Variants in NUBP1 observed in about 807,000 individuals in gnomAD.
NUBP1 encodes NUBP iron-sulfur cluster assembly factor 1, cytosolic.
A neutral mutation model predicts 41.8 loss-of-function variants in NUBP1; 46 were observed. That is an observed-to-expected ratio of 1.10 (90% CI 0.87 to 1.41). The LOEUF is 1.41. Among genes scored for constraint, NUBP1 ranks in the 40% most tolerant of loss-of-function variants. The pLI is 0.00. For missense variants in NUBP1, 494 were observed against 414.0 expected, an observed-to-expected ratio of 1.19 and a Z score of -1.68; for synonymous variants, 189 against 154.6, an observed-to-expected ratio of 1.22 and a Z score of -1.65.
At chr16:10,752,526 C>G (rs1312543737) in intron 3 of NUBP1, 84 bp from the exon 4 acceptor site, 2 of 1,122,280 alleles carry the variant, frequency 1.8e-6, no homozygotes, top group South Asian at 1.3e-5. Context: ...TCCTTTTCCT[C>G]TAACCCCGCT....
chr16:10,748,758 T>A (rs527350419), intron 3 of NUBP1, among the ~76,000 whole-genome samples: 1 of 152,254 alleles, frequency 6.6e-6, no homozygotes, highest in South Asian at 2.1e-4. Context: ...AGAGATGAGT[T>A]TGTAGCCTAC....
chr16:10,755,687 C>G, intron 4 of NUBP1, 34 bp from the exon 5 acceptor site: 4 of 1,610,674 alleles, frequency 2.5e-6, no homozygotes, highest in Non-Finnish European at 3.4e-6. Context: ...TACATGATTT[C>G]TACTAATGAA....
In NUBP1 at chr16:10,757,858, G is replaced by T. The variant is rs763063179; in HGVS notation, c.452-15G>T. On this transcript the variant is annotated splice_polypyrimidine_tract_variant and intron_variant, in intron 6 of 10. Transcript: ENST00000283027. This position sits in a 1 kb window ranked among gnomAD's most constrained non-coding sequence, Gnocchi z 4.1. ...AAAGGAAAAGTAAGCATCCCCTGTG[G>T]ATTCCTCTTTCTAGGCATGATCAAG... The T allele has an allele frequency of 1.2e-6, 2 of 1,608,566 alleles. No individual in the cohort carries two copies. Among genetic ancestry groups the T allele is most frequent in the South Asian group, 1.1e-5 (1 of 91,006 alleles).
chr16:10,744,431 G>C (rs995577887), intron 2 of NUBP1, among the ~76,000 whole-genome samples: 4 of 152,234 alleles, frequency 2.6e-5, no homozygotes, highest in African/African-American at 9.6e-5. Flanking sequence ...AAGTCGGGGA[G>C]TCTTCGGACT....
At chr16:10,745,094 T>A (rs952206041) in intron 2 of NUBP1, among the ~76,000 whole-genome samples, 1 of 151,364 alleles carries the variant, frequency 6.6e-6, no homozygotes, top group African/African-American at 2.4e-5. Flanking sequence ...GAGAGAGACT[T>A]GGATTTGATT....
chr16:10,760,981 A>G (rs893175341), intron 7 of NUBP1: 1 of 192,302 alleles, frequency 5.2e-6, no homozygotes, highest in Non-Finnish European at 1.1e-5. Context: ...AGGAAACTTA[A>G]CAATCATGGT....
In NUBP1 at chr16:10,757,157, C is replaced by G. The variant is rs902943801; in HGVS notation, c.451+377C>G. On this transcript the variant is annotated intron_variant, in intron 6 of 10. Transcript: ENST00000283027. The surrounding 1 kb of genome is among the most constrained non-coding windows in gnomAD (Gnocchi z 4.1). ...TCTACCAAAAACATAAAAAATTAGC[C>G]GAGCATGGTGGCACGTACCTGTAAT... is the stretch of plus-strand genomic sequence containing the variant. 6.6e-6 allele frequency among the ~76,000 whole-genome samples: 1 copy of G among 151,902 alleles called. No homozygotes were observed. The highest frequency in any genetic ancestry group is 1.5e-5 in the Non-Finnish European group (1 of 67,984).
chr16:10,756,851 C>G, intron 6 of NUBP1, 71 bp downstream of exon 6: 1 of 1,218,694 alleles, frequency 8.2e-7, no homozygotes. Context: ...TTTATCTGCT[C>G]CCTGTCCTGC....
intron 3 of NUBP1, among the ~76,000 whole-genome samples, chr16:10,747,733 T>G (rs935158811): frequency 6.6e-6 from 1 of 152,226 alleles, no homozygotes; most frequent in African/African-American, 2.4e-5. Context: ...AATGAAGCAT[T>G]TCACTGGATT....
In NUBP1 at chr16:10,749,729, C is replaced by A. The variant is rs1900230878; in HGVS notation, c.258+2453C>A. ...ACATGCCCTGACCTTTTTCTGCCTGCCATCTGGTGGAAGCTTGGCTCTAAC... is the reference window on the plus strand; with the variant it reads ...ACATGCCCTGACCTTTTTCTGCCTGACATCTGGTGGAAGCTTGGCTCTAAC... On this transcript the variant is annotated intron_variant, in intron 3 of 10. Coordinates refer to ENST00000283027, the MANE Select transcript of NUBP1 (RefSeq NM_002484.4). This position sits in a 1 kb window ranked among gnomAD's most constrained non-coding sequence, Gnocchi z 4.1. Among the ~76,000 whole-genome samples, 1 of 152,190 alleles carries A rather than the reference C, an allele frequency of 6.6e-6. No individual in the cohort carries two copies. Among genetic ancestry groups the A allele is most frequent in the Non-Finnish European group, 1.5e-5 (1 of 68,036 alleles).
Position 10,756,741 on chromosome 16 carries a change from C to G in NUBP1, c.412C>G (p.Pro138Ala), listed in dbSNP as rs1210412616. The G allele has an allele frequency of 1.3e-6, 2 of 1,588,602 alleles. No individual in the cohort carries two copies. The highest frequency in any genetic ancestry group is 2.4e-5 in the East Asian group (1 of 42,278). Reference protein sequence around the residue: ...VMSVGFLLSSPDDAVIWRGPK... With the variant: ...VMSVGFLLSSADDAVIWRGPK... The stretch of plus-strand genomic sequence containing the variant: ...GTCAGTGGGCTTCCTGCTCAGCAGT[C>G]CTGATGATGCTGTTATCTGGAGGGG... The change falls in exon 6 of 11, where the codon CCT becomes GCT. Residue 138 changes from proline (P) to alanine (A), a missense_variant. Coordinates refer to ENST00000283027, the MANE Select transcript of NUBP1 (RefSeq NM_002484.4).
At chr16:10,747,871 C>T (rs1357479595) in intron 3 of NUBP1, among the ~76,000 whole-genome samples, 1 of 152,218 alleles carries the variant, frequency 6.6e-6, no homozygotes, top group Non-Finnish European at 1.5e-5. Flanking sequence ...CAGGGACCTG[C>T]AAACTATAGC....
intron 5 of NUBP1, 115 bp from the exon 6 acceptor site, chr16:10,756,575 G>T: frequency 1.6e-6 from 1 of 639,384 alleles, no homozygotes; most frequent in South Asian, 2.5e-5. Flanking sequence ...TCACATGGTA[G>T]TTTTGTCCTG....
rs1342262903 is a variant in NUBP1 at position 10,758,017 on chromosome 16, C to G, written c.596C>G (p.Thr199Ser). The stretch of plus-strand genomic sequence containing the variant: ...CACATCGATGGAGCAGTGATCATCA[C>G]CACTCCCCAGGTGAGCGAGCTGCCA... The part of the protein sequence containing the change: ...TAHIDGAVII[T>S]TPQEVSLQDV... The change falls in exon 7 of 11, where the codon ACC becomes AGC. Residue 199 changes from threonine to serine, a missense_variant. By Grantham distance (58) the Thr-to-Ser change is moderately conservative. Coordinates refer to ENST00000283027, the MANE Select transcript of NUBP1 (RefSeq NM_002484.4). The G allele has an allele frequency of 1.2e-6, 2 of 1,613,592 alleles. No homozygotes were observed. The highest frequency in any genetic ancestry group is 2.2e-5 in the East Asian group (1 of 44,888).
At chr16:10,746,565 A>G (rs1900073446) in intron 2 of NUBP1, among the ~76,000 whole-genome samples, 1 of 152,146 alleles carries the variant, frequency 6.6e-6, no homozygotes. Context: ...ACATAGAGAA[A>G]CACCGTCTCT....
At chr16:10,753,063 G>A (rs1900395350) in intron 4 of NUBP1, among the ~76,000 whole-genome samples, 1 of 152,212 alleles carries the variant, frequency 6.6e-6, no homozygotes, top group Admixed American at 6.5e-5. Flanking sequence ...CAAAGTGCTA[G>A]GATTACAGGC....
Position 10,767,939 on chromosome 16 carries a change from C to CTTTTTTA in NUBP1, c.821-9_821-3dup. The CTTTTTTA allele has an allele frequency of 6.2e-7, 1 of 1,613,884 alleles. No individual in the cohort carries two copies. The highest frequency in any genetic ancestry group is 8.5e-7 in the Non-Finnish European group (1 of 1,179,818). On this transcript the variant is annotated splice_polypyrimidine_tract_variant and intron_variant, in intron 9 of 10. Coordinates refer to ENST00000283027, the MANE Select transcript of NUBP1 (RefSeq NM_002484.4). This position sits in a 1 kb window ranked among gnomAD's most constrained non-coding sequence, Gnocchi z 4.6. ...GGACTGAATTGTCTTCCGTTTGTTT[C>CTTTTTTA]TTTTTTAAGGTAAGAATTGTGACAA...
chr16:10,762,111 T>A (rs1214350006), intron 9 of NUBP1: 1 of 370,112 alleles, frequency 2.7e-6, no homozygotes, highest in Non-Finnish European at 5.0e-6. Context: ...GGGGTAGAGG[T>A]TGGTGAGGGT....
chr16:10,756,686 G>A lies in NUBP1; in HGVS notation c.361-4G>A. On this transcript the variant is annotated splice_region_variant and splice_polypyrimidine_tract_variant and intron_variant, in intron 5 of 10. Transcript: ENST00000283027. ...GTCTTGCCCTCACCCTGTTCCCTCT[G>A]CAGTACGTGGAAGACAACCTGGGGG... 3 of 1,557,586 alleles carry A rather than the reference G, an allele frequency of 1.9e-6. No individual in the cohort carries two copies. The highest frequency in any genetic ancestry group is 2.6e-6 in the Non-Finnish European group (3 of 1,159,264).
Sources: allele counts gnomAD v4.1 joint callset (sites outside exome capture counted in the v4.1 genomes callset), GRCh38; gene constraint gnomAD v4.1.1; non-coding constraint Gnocchi (gnomAD v3.1); transcripts MANE v1.5; gene names NCBI Gene and HGNC (gene_info 2026-07-23, HGNC 2026-07-21).